Variants in PHF20L1 observed in about 807,000 individuals in gnomAD.
The protein encoded by PHF20L1 is PHD finger protein 20-like protein 1.
A neutral mutation model predicts 125.5 loss-of-function variants in PHF20L1; 44 were observed. That is an observed-to-expected ratio of 0.35 (90% CI 0.28 to 0.45). PHF20L1 has a LOEUF of 0.45. Among genes scored for constraint, PHF20L1 ranks in the 20% least tolerant of loss-of-function variants. The pLI, the probability that PHF20L1 is intolerant of heterozygous loss-of-function variation, is 1.00. For synonymous variants in PHF20L1, 380 were observed against 403.1 expected, an observed-to-expected ratio of 0.94 and a Z score of 0.69; for missense variants, 1,012 against 1,217.2, an observed-to-expected ratio of 0.83 and a Z score of 2.51.
chr8:132,810,756 A>ATT, intron 8 of PHF20L1: 1 of 304,560 alleles, frequency 3.3e-6, no homozygotes, highest in Non-Finnish European at 6.3e-6. Context: ...TTAAGACAGA[A>ATT]TTTTAACTTT....
chr8:132,787,222 C>T (rs994674414), intron 2 of PHF20L1, among the ~76,000 whole-genome samples: 3 of 150,822 alleles, frequency 2.0e-5, no homozygotes, highest in African/African-American at 7.3e-5. Context: ...TTAGAACTGA[C>T]AGTGAGAGTG....
chr8:132,792,542 C>G lies in PHF20L1; in HGVS notation c.84-1868C>G, dbSNP rs550610693. On this transcript the variant is annotated intron_variant, in intron 2 of 20. Coordinates refer to ENST00000395386, the MANE Select transcript of PHF20L1 (RefSeq NM_016018.5). The stretch of plus-strand genomic sequence containing the variant: ...ACAAGGCTATAATTGGGTCAACTGC[C>G]TTCTTAGTTCTGAAGAAATGAGCAA... Among the ~76,000 whole-genome samples the G allele has an allele frequency of 2.1e-3, 324 of 152,294 alleles. 5 individuals are homozygous for G. Among genetic ancestry groups the G allele is most frequent in the Admixed American group, 0.019 (285 of 15,306 alleles).
In PHF20L1 at chr8:132,797,506, C is replaced by T. The variant is rs371391338; in HGVS notation, c.341-1266C>T. On this transcript the variant is annotated intron_variant, in intron 4 of 20. Coordinates refer to ENST00000395386, the MANE Select transcript of PHF20L1 (RefSeq NM_016018.5). Reference sequence around the variant, plus strand: ...AGGCAGAGAGGTATTAATGCCCAGACGGCCTGGTGTGCAAGCTGAGTTTTT... The same window carrying T: ...AGGCAGAGAGGTATTAATGCCCAGATGGCCTGGTGTGCAAGCTGAGTTTTT... 1.1e-4 allele frequency among the ~76,000 whole-genome samples: 16 copies of T among 152,012 alleles called. 1 individual carries two copies. The highest frequency in any genetic ancestry group is 2.4e-4 in the African/African-American group (10 of 41,516).
At chr8:132,779,339 ACT>A (rs1297405269) in intron 2 of PHF20L1, among the ~76,000 whole-genome samples, 1 of 151,920 alleles carries the variant, frequency 6.6e-6, no homozygotes, top group African/African-American at 2.4e-5. Context: ...TGATTGAGAA[ACT>A]CAGCATTAGA....
At chr8:132,832,875 A>G (rs756235537) in intron 15 of PHF20L1, among the ~76,000 whole-genome samples, 13 of 152,152 alleles carry the variant, frequency 8.5e-5, no homozygotes, top group African/African-American at 3.1e-4. Context: ...ATCTGTAACC[A>G]AAGTCCTGAG....
intron 9 of PHF20L1, chr8:132,811,824 A>G: frequency 1.0e-6 from 1 of 984,694 alleles, no homozygotes; most frequent in Non-Finnish European, 1.2e-6. Flanking sequence ...CCATAACTGG[A>G]TTTCCTTGGT....
chr8:132,823,371 T>C (rs1835808299), intron 12 of PHF20L1, among the ~76,000 whole-genome samples: 1 of 151,990 alleles, frequency 6.6e-6, no homozygotes, highest in Non-Finnish European at 1.5e-5. Flanking sequence ...ATAATCCAGA[T>C]AGCATTCATG....
intron 19 of PHF20L1, chr8:132,843,392 A>G (rs1384338207): frequency 1.0e-6 from 1 of 979,976 alleles, no homozygotes; most frequent in Non-Finnish European, 1.2e-6. Flanking sequence ...TATCTTAGAA[A>G]TGTACCTTTA....
chr8:132,829,158 G>A (rs549002837), intron 14 of PHF20L1, among the ~76,000 whole-genome samples: 107 of 152,144 alleles, frequency 7.0e-4, no homozygotes, highest in African/African-American at 2.6e-3. Context: ...TATCAGCCAT[G>A]TTTTATTTTA....
intron 19 of PHF20L1, 84 bp from the exon 20 acceptor site, chr8:132,844,072 A>T: frequency 6.4e-7 from 1 of 1,564,644 alleles, no homozygotes; most frequent in Non-Finnish European, 8.7e-7. Flanking sequence ...GTTACCAGTG[A>T]TGAGGTGTTT....
At chr8:132,818,837 T>C (rs1441231027) in intron 12 of PHF20L1, 3 of 151,922 alleles carry the variant, frequency 2.0e-5, no homozygotes, top group Admixed American at 6.6e-5. Context: ...ATGAAAAATA[T>C]GTTAAAGTTA....
intron 15 of PHF20L1, among the ~76,000 whole-genome samples, chr8:132,835,127 CTCCTT>C (rs1312419560): frequency 1.3e-5 from 2 of 152,118 alleles, no homozygotes; most frequent in African/African-American, 4.8e-5. Context: ...CTCTGACTCT[CTCCTT>C]AGTTCTTCTA....
chr8:132,780,097 T>G (rs1460081070), intron 2 of PHF20L1, among the ~76,000 whole-genome samples: 5 of 152,150 alleles, frequency 3.3e-5, no homozygotes, highest in Admixed American at 1.3e-4. Flanking sequence ...AAAAAAGGAT[T>G]AAGAATATTG....
chr8:132,845,971 A>T lies in PHF20L1; in HGVS notation c.*48A>T. On this transcript the variant is annotated 3_prime_UTR_variant, in exon 21 of 21. Transcript: ENST00000395386. ...GAATGTGGCTTTCTTCAGTCAAAGC[A>T]TTTTTATTATCCACGTGATGGCTAA... 1 of 1,474,752 alleles carries T rather than the reference A, an allele frequency of 6.8e-7. No homozygotes were observed. The highest frequency in any genetic ancestry group is 9.4e-7 in the Non-Finnish European group (1 of 1,064,462). The allele number at this position is 1,474,752 out of a possible 1,614,324, so 91.4% of individuals were successfully genotyped here. A position where few individuals can be genotyped will look rare whatever the true frequency, so the allele number is the denominator to read the frequency against.
chr8:132,814,365 A>G (rs1343343699), intron 9 of PHF20L1, among the ~76,000 whole-genome samples: 1 of 151,950 alleles, frequency 6.6e-6, no homozygotes, highest in Non-Finnish European at 1.5e-5. Context: ...TTGTCCAGTA[A>G]GATAACATTT....
chr8:132,792,234 T>TTA (rs1172869251), intron 2 of PHF20L1, among the ~76,000 whole-genome samples: 1 of 152,220 alleles, frequency 6.6e-6, no homozygotes, highest in Non-Finnish European at 1.5e-5. Flanking sequence ...GAATATCTTT[T>TTA]TATAGTACTT....
intron 12 of PHF20L1, 128 bp downstream of exon 12, chr8:132,817,673 T>G (rs531277195): frequency 1.6e-6 from 1 of 644,204 alleles, no homozygotes; most frequent in Non-Finnish European, 2.6e-6. Flanking sequence ...ATAAATACTT[T>G]AACATTTATA....
intron 6 of PHF20L1, among the ~76,000 whole-genome samples, chr8:132,802,911 A>G (rs1405438661): frequency 7.2e-5 from 11 of 151,818 alleles, no homozygotes; most frequent in Non-Finnish European, 1.5e-4. Context: ...CTGGTAGTCT[A>G]TTTGACAGAG....
intron 12 of PHF20L1, among the ~76,000 whole-genome samples, chr8:132,820,929 C>A (rs1041480379): frequency 1.3e-5 from 2 of 151,686 alleles, no homozygotes; most frequent in South Asian, 4.1e-4. Flanking sequence ...AAAAGAAATA[C>A]CTTTAGTAAC....
Sources: gnomAD v4.1 joint callset for allele counts (sites outside exome capture counted in the v4.1 genomes callset) on GRCh38, gnomAD v4.1.1 for gene constraint, MANE v1.5 for transcripts, NCBI Gene and HGNC (gene_info 2026-07-23, HGNC 2026-07-21) for gene names.